The following ZNF704 variants were observed in gnomAD, a reference collection of about 807,000 sequenced individuals.
The protein encoded by ZNF704 is glucocorticoid induced gene 1.
ZNF704 carries 10 observed loss-of-function variants against 44.7 expected under a neutral mutation model. The observed-to-expected ratio is 0.22, with a 90% CI of 0.14 to 0.38. The LOEUF (loss-of-function observed/expected upper bound fraction) is 0.38, where lower values mean the gene tolerates loss of function less well. Ranked by LOEUF, ZNF704 falls within the 10% of genes least tolerant of loss-of-function variation. The pLI is 1.00. For missense variants in ZNF704, 390 were observed against 545.5 expected (o/e 0.71, Z 2.84); for synonymous variants, 211 against 207.6 (o/e 1.02, Z -0.14).
chr8:80,674,193 T>C (rs535295010), intron 4 of ZNF704, among the ~76,000 whole-genome samples: 3 of 152,340 alleles, frequency 2.0e-5, no homozygotes, highest in Non-Finnish European at 4.4e-5. Flanking sequence ...GCCAGTGATC[T>C]AAACACATGA....
At chr8:80,722,705 ACTC>A (rs2131671761) in intron 2 of ZNF704, among the ~76,000 whole-genome samples, 1 of 152,164 alleles carries the variant, frequency 6.6e-6, no homozygotes, top group East Asian at 1.9e-4. Context: ...GCATTTTTAG[ACTC>A]CTCAACTTCT....
At chr8:80,666,053 C>T (rs1294524608) in intron 5 of ZNF704, among the ~76,000 whole-genome samples, 2 of 151,664 alleles carry the variant, frequency 1.3e-5, no homozygotes, top group East Asian at 1.9e-4. Flanking sequence ...CGTGCTGGTG[C>T]GCTGCACCCA....
Position 80,633,639 on chromosome 8 carries a change from AG to A in ZNF704, c.*7726del, listed in dbSNP as rs1200395967. ...CAATACTGAGGCTGACTCAGGTTCA[AG>A]ACTACTCTGGGTTGGCCTTGGAGGT... On this transcript the variant is annotated 3_prime_UTR_variant, in exon 9 of 9. Coordinates refer to ENST00000327835, the MANE Select transcript of ZNF704 (RefSeq NM_001033723.3). 6.6e-6 allele frequency: 1 copy of A among 152,208 alleles called. No individual in the cohort carries two copies. The highest frequency in any genetic ancestry group is 1.5e-5 in the Non-Finnish European group (1 of 68,032). 9.4% of individuals were successfully genotyped at this position (152,208 alleles called of 1,614,324 possible).
At chr8:80,798,369 C>A (rs544103082) in intron 2 of ZNF704, among the ~76,000 whole-genome samples, 49 of 152,158 alleles carry the variant, frequency 3.2e-4, no homozygotes, top group African/African-American at 1.2e-3. Context: ...GATTCTCGTG[C>A]CTCAGCCTCC....
intron 1 of ZNF704, among the ~76,000 whole-genome samples, chr8:80,822,869 C>T (rs966477724): frequency 6.6e-6 from 1 of 152,118 alleles, no homozygotes; most frequent in African/African-American, 2.4e-5. Context: ...CTGTTCATAT[C>T]CTTTGCCTAC....
At position 80,643,107 on chromosome 8, in the gene ZNF704, A is replaced by G. The variant is rs778233075; in HGVS notation, c.1055T>C (p.Val352Ala). The part of the protein sequence containing the change: ...GIPVSPTHHP[V>A]GTGEQRQHAH... ...ATGCTGTCTCTGCTCTCCTGTGCCC[A>G]CCGGATGATGTGTGGGTGACACCTG... Residue 352 changes from valine (V) to alanine (A), a missense_variant, in exon 8 of 9, where the codon GTG becomes GCG. Val to Ala is a moderately conservative substitution (Grantham distance 64). This residue lies in a region of ZNF704 where 305 missense variants were observed against 435.7 expected (regional missense o/e 0.70). Coordinates refer to ENST00000327835, the MANE Select transcript of ZNF704 (RefSeq NM_001033723.3). 1.4e-5 allele frequency: 23 copies of G among 1,605,868 alleles called. No individual in the cohort carries two copies. Among genetic ancestry groups the G allele is most frequent in the Non-Finnish European group, 8.5e-7 (1 of 1,176,234 alleles).
In ZNF704 at chr8:80,639,037, G is replaced by A. The variant is rs553080910; in HGVS notation, c.*2329C>T. The A allele has an allele frequency of 2.6e-5, 4 of 152,644 alleles. No homozygotes were observed. The highest frequency in any genetic ancestry group is 1.3e-4 in the Admixed American group (2 of 15,304). The allele number at this position is 152,644 out of a possible 1,614,324, so 9.5% of individuals were successfully genotyped here. ...ATATATCTGGGGGTGGAAGCCACGGGGCTTTGCTCCAGGACTGCTCCATAG... is the reference window on the plus strand; with the variant it reads ...ATATATCTGGGGGTGGAAGCCACGGAGCTTTGCTCCAGGACTGCTCCATAG... On this transcript the variant is annotated 3_prime_UTR_variant, in exon 9 of 9. Transcript: ENST00000327835.
In ZNF704 at chr8:80,823,286, C is replaced by G. The variant is rs186577730; in HGVS notation, c.-21-1671G>C. ...CCAGGAGACTATATCCCGTGCCTGG[C>G]TCGGAGGGTCCCACACCCACGAAGT... On this transcript the variant is annotated intron_variant, in intron 1 of 8. Transcript: ENST00000327835. Among the ~76,000 whole-genome samples the G allele has an allele frequency of 2.0e-3, 300 of 152,356 alleles. 2 individuals carry two copies. The highest frequency in any genetic ancestry group is 6.7e-3 in the African/African-American group (280 of 41,588).
chr8:80,847,706 C>T (rs1176228802), intron 1 of ZNF704, among the ~76,000 whole-genome samples: 2 of 152,260 alleles, frequency 1.3e-5, no homozygotes, highest in East Asian at 3.9e-4. Context: ...AAAGGCAATT[C>T]AATGGAGGAA....
intron 2 of ZNF704, among the ~76,000 whole-genome samples, chr8:80,711,642 A>G (rs1412203124): frequency 1.3e-5 from 2 of 152,206 alleles, no homozygotes; most frequent in Non-Finnish European, 1.5e-5. Context: ...TGACTGTTTT[A>G]TAAGGTTTTC....
chr8:80,657,924 T>C (rs1180665729), intron 7 of ZNF704, among the ~76,000 whole-genome samples: 2 of 151,840 alleles, frequency 1.3e-5, no homozygotes, highest in Non-Finnish European at 2.9e-5. Flanking sequence ...GAGATGAGGG[T>C]AGAAATACAC....
At chr8:80,750,585 G>A (rs758178933) in intron 2 of ZNF704, among the ~76,000 whole-genome samples, 8 of 151,056 alleles carry the variant, frequency 5.3e-5, no homozygotes, top group South Asian at 2.1e-4. Context: ...GTGCGATCTC[G>A]GCTCACTGCA....
At chr8:80,799,927 C>T (rs773030736) in intron 2 of ZNF704, among the ~76,000 whole-genome samples, 3 of 151,836 alleles carry the variant, frequency 2.0e-5, no homozygotes, top group Non-Finnish European at 4.4e-5. Context: ...ATAAAAAAAA[C>T]AATACAGGAG....
At chr8:80,797,623 C>A (rs1807828165) in intron 2 of ZNF704, among the ~76,000 whole-genome samples, 1 of 152,056 alleles carries the variant, frequency 6.6e-6, no homozygotes, top group Non-Finnish European at 1.5e-5. Context: ...GGAGCAGAGA[C>A]CTGCAAGGAC....
chr8:80,794,810 T>A (rs935562226), intron 2 of ZNF704, among the ~76,000 whole-genome samples: 3 of 152,156 alleles, frequency 2.0e-5, no homozygotes, highest in African/African-American at 7.2e-5. Context: ...AATGACAAAA[T>A]TGCAACTAAA....
intron 7 of ZNF704, chr8:80,645,154 A>G (rs1038327652): frequency 1.6e-5 from 26 of 1,604,408 alleles, no homozygotes; most frequent in Non-Finnish European, 1.8e-5. Flanking sequence ...TCCAAATAGT[A>G]AATTTGTTTG....
chr8:80,814,186 T>C (rs1380457364), intron 2 of ZNF704: 1 of 152,190 alleles, frequency 6.6e-6, no homozygotes, highest in African/African-American at 2.4e-5. Context: ...TTTCAAGTGG[T>C]TTCAGATCCC....
intron 2 of ZNF704, among the ~76,000 whole-genome samples, chr8:80,695,671 G>A (rs1818713824): frequency 6.6e-6 from 1 of 152,092 alleles, no homozygotes; most frequent in African/African-American, 2.4e-5. Flanking sequence ...CTCAAATACT[G>A]ATTTATGTGT....
At position 80,630,372 on chromosome 8, in the gene ZNF704, G is replaced by A. The variant is rs909571939; in HGVS notation, c.*10994C>T. ...TTTCCACACGAGTGTCACACAGGAA[G>A]GACTGCTGTTTTCTCTTCATTCTTT... On this transcript the variant is annotated 3_prime_UTR_variant, in exon 9 of 9. Coordinates refer to ENST00000327835, the MANE Select transcript of ZNF704 (RefSeq NM_001033723.3). The A allele has an allele frequency of 6.6e-6, 1 of 152,174 alleles. No homozygotes were observed. The highest frequency in any genetic ancestry group is 2.1e-4 in the South Asian group (1 of 4,818). 9.4% of individuals were successfully genotyped at this position (152,174 alleles called of 1,614,324 possible).
Sources: allele counts gnomAD v4.1 joint callset (sites outside exome capture counted in the v4.1 genomes callset), GRCh38; gene constraint gnomAD v4.1.1; regional missense constraint gnomAD v4.1.1; transcripts MANE v1.5; gene names NCBI Gene and HGNC (gene_info 2026-07-23, HGNC 2026-07-21).